BIRC6: variants seen among roughly 807,000 people sequenced by gnomAD.
BIRC6 encodes dual E2 ubiquitin-conjugating enzyme/E3 ubiquitin-protein ligase BIRC6.
In BIRC6, 98 loss-of-function variants were observed where a neutral mutation model predicts 503.3. The ratio of observed to expected loss-of-function variants is 0.19; its 90% CI spans 0.17 to 0.23. BIRC6 has a LOEUF of 0.23. BIRC6 is among the 10% of genes least tolerant of loss of function. The pLI is 1.00. For missense variants in BIRC6, 5,360 were observed against 5,806.0 expected, an observed-to-expected ratio of 0.92 and a Z score of 2.50; for synonymous variants, 2,240 against 2,078.7, an observed-to-expected ratio of 1.08 and a Z score of -2.11.
rs2040592463 is a variant in BIRC6, at chr2:32,401,521, T to C, written c.1316T>C (p.Leu439Pro). The change falls in exon 8 of 74, where the codon CTA becomes CCA. Residue 439 changes from leucine (L) to proline (P), a missense_variant. Transcript: ENST00000421745. ...YDPAIVQQLI[L>P]SGDPSSGVDS... is the part of the protein sequence containing the mutation. Reference sequence around the variant, plus strand: ...CCAGCAATTGTACAACAGCTTATTCTATCAGGAGACCCAAGCTCAGGAGTT... The same window carrying C: ...CCAGCAATTGTACAACAGCTTATTCCATCAGGAGACCCAAGCTCAGGAGTT... 1 of 1,614,040 alleles carries C rather than the reference T, an allele frequency of 6.2e-7. No homozygotes were observed. The highest frequency in any genetic ancestry group is 8.5e-7 in the Non-Finnish European group (1 of 1,179,888).
intron 25 of BIRC6, 108 bp from the exon 26 acceptor site, chr2:32,464,957 C>T: frequency 7.5e-7 from 1 of 1,332,734 alleles, no homozygotes. Context: ...TATTACAGTA[C>T]ATACATTAAG....
At chr2:32,572,597 T>A (rs2150984347) in intron 65 of BIRC6, among the ~76,000 whole-genome samples, 1 of 152,356 alleles carries the variant, frequency 6.6e-6, no homozygotes, top group South Asian at 2.1e-4. Context: ...TTTATGCCTA[T>A]CAGTTAGTAA....
At chr2:32,587,491 G>A (rs887262701) in intron 66 of BIRC6, among the ~76,000 whole-genome samples, 1 of 152,198 alleles carries the variant, frequency 6.6e-6, no homozygotes, top group Non-Finnish European at 1.5e-5. Flanking sequence ...TAATTCCAGT[G>A]CTTTGGCAGG....
chr2:32,490,353 G>T lies in BIRC6; in HGVS notation c.8206+202G>T, dbSNP rs1210865659. On this transcript the variant is annotated intron_variant, in intron 43 of 73. Coordinates refer to ENST00000421745, the MANE Select transcript of BIRC6 (RefSeq NM_016252.4). The stretch of plus-strand genomic sequence containing the variant: ...ACTTGAGGTCAGGAGCTCGAGAGCA[G>T]CCTGGCCAACATGGTGAAACCTTAT... 2.0e-5 allele frequency among the ~76,000 whole-genome samples: 3 copies of T among 152,286 alleles called. 1 individual carries two copies. The Middle Eastern group carries it at 0.01, about 518-fold the overall frequency.
chr2:32,401,433 G>C (rs771154958), intron 7 of BIRC6, 30 bp from the exon 8 acceptor site: 15 of 1,613,006 alleles, frequency 9.3e-6, no homozygotes, highest in Non-Finnish European at 1.2e-5. Context: ...AAAAAGATCA[G>C]TTGTAAACTT....
In BIRC6 at chr2:32,595,095, A is replaced by T; in HGVS notation, c.13563A>T (p.Leu4521Phe). The change falls in exon 68 of 74, where the codon TTA (leucine) becomes TTT (phenylalanine). Residue 4521 changes from leucine (L) to phenylalanine (F), a missense_variant. This residue lies in a region of BIRC6 where 477 missense variants were observed against 574.4 expected (regional missense o/e 0.83). Transcript: ENST00000421745. ...AAMKPKPLSV[L>F]KSLEEKYVAV... The stretch of plus-strand genomic sequence containing the variant: ...TGAAACCCAAACCTTTGTCAGTATT[A>T]AAGTCACTTGAAGAAAAATATGTGG... 6.2e-7 allele frequency: 1 copy of T among 1,601,498 alleles called. No individual in the cohort carries two copies. Among genetic ancestry groups the T allele is most frequent in the East Asian group, 2.3e-5 (1 of 44,354 alleles).
chr2:32,518,667 A>G, intron 56 of BIRC6, 150 bp from the exon 57 acceptor site: 1 of 1,057,430 alleles, frequency 9.5e-7, no homozygotes, highest in Non-Finnish European at 1.3e-6. Context: ...AAAGTTGACC[A>G]ACAAATCATG....
chr2:32,524,231 T>C lies in BIRC6; in HGVS notation c.11624-657T>C, dbSNP rs972791732. 2.6e-5 allele frequency among the ~76,000 whole-genome samples: 4 copies of C among 152,316 alleles called. 1 individual carries two copies. The highest frequency in any genetic ancestry group is 2.0e-4 in the Admixed American group (3 of 15,292). On this transcript the variant is annotated intron_variant, in intron 57 of 73. Transcript: ENST00000421745. ...GTAATGAAAGGAATATTCAGAGTAA[T>C]AACTATCTATGAGAGCCCTTAATAC...
In BIRC6 at chr2:32,473,211, T is replaced by C; in HGVS notation, c.6692T>C (p.Ile2231Thr). 1.9e-6 allele frequency: 3 copies of C among 1,550,330 alleles called. No individual in the cohort carries two copies. Among genetic ancestry groups the C allele is most frequent in the South Asian group, 1.2e-5 (1 of 83,172 alleles). ...CTTGATAGATTATATTCCAGAAAAA[T>C]CAGAAAGCAGCTTGTTCATCATAAA... Reference protein sequence around the residue: ...SSLDRLYSRKIRKQLVHHKQQ... With the variant: ...SSLDRLYSRKTRKQLVHHKQQ... The change falls in exon 33 of 74, where the codon ATC (isoleucine) becomes ACC (threonine). Residue 2231 changes from isoleucine to threonine, a missense_variant. By Grantham distance (89) the Ile-to-Thr change is moderately conservative. This residue lies in a region of BIRC6 where 2,299 missense variants were observed against 2,267.2 expected (regional missense o/e 1.01). Transcript: ENST00000421745.
intron 3 of BIRC6, among the ~76,000 whole-genome samples, chr2:32,381,220 T>C (rs1477243771): frequency 3.3e-5 from 5 of 152,138 alleles, no homozygotes; most frequent in Non-Finnish European, 2.9e-5. Context: ...TATTGTGTTA[T>C]GATATACCTT....
intron 59 of BIRC6, 187 bp from the exon 60 acceptor site, chr2:32,529,464 C>G: frequency 4.0e-6 from 2 of 502,224 alleles, no homozygotes; most frequent in Admixed American, 3.9e-5. Context: ...CATTATTGTT[C>G]ATTATTATAT....
rs559324514 is a variant in BIRC6, at chr2:32,412,467, C to T, written c.1478-2302C>T. Among the ~76,000 whole-genome samples the T allele has an allele frequency of 9.8e-4, 148 of 151,382 alleles. 1 individual carries two copies. Among genetic ancestry groups the T allele is most frequent in the Non-Finnish European group, 1.5e-3 (103 of 67,868 alleles). ...AGCTGAGATTATGCCATTGCACTCC[C>T]GCCTGGGTGGCAATAGTGAGACTTT... On this transcript the variant is annotated intron_variant, in intron 9 of 73. Transcript: ENST00000421745.
At chr2:32,417,961 G>A (rs2042560070) in intron 10 of BIRC6, among the ~76,000 whole-genome samples, 1 of 152,042 alleles carries the variant, frequency 6.6e-6, no homozygotes, top group Non-Finnish European at 1.5e-5. Flanking sequence ...TGTATTTTTA[G>A]TAGTGACGAG....
At chr2:32,432,556 A>G (rs984048603) in intron 12 of BIRC6, among the ~76,000 whole-genome samples, 2 of 152,084 alleles carry the variant, frequency 1.3e-5, no homozygotes, top group Non-Finnish European at 2.9e-5. Context: ...CAGGTGTTCA[A>G]GACCCACCTG....
At position 32,415,997 on chromosome 2, in the gene BIRC6, C is replaced by T. The variant is rs201122092; in HGVS notation, c.2706C>T (p.His902=). Residue 902 remains histidine (H), a synonymous_variant, in exon 10 of 74, where the codon CAC becomes CAT. Coordinates refer to ENST00000421745, the MANE Select transcript of BIRC6 (RefSeq NM_016252.4). ...CGTCTGACATTTCTACTCTTGGACA[C>T]CTGGTAATAACCACTCAGGGAGGAT... ...EKTSDISTLG[H]LVITTQGGYV... is the part of the protein sequence containing the mutation. 21 of 1,613,906 alleles carry T rather than the reference C, an allele frequency of 1.3e-5. 1 individual carries two copies. The African/African-American group carries it at 1.5e-4, about 11-fold the overall frequency.
chr2:32,536,084 T>G (rs1035765638), intron 61 of BIRC6, among the ~76,000 whole-genome samples: 1 of 152,230 alleles, frequency 6.6e-6, no homozygotes, highest in African/African-American at 2.4e-5. Flanking sequence ...TCATGTGTCT[T>G]TTGGCTGCAT....
intron 23 of BIRC6, among the ~76,000 whole-genome samples, chr2:32,458,160 A>G (rs2047447266): frequency 6.6e-6 from 1 of 152,014 alleles, no homozygotes; most frequent in Non-Finnish European, 1.5e-5. Flanking sequence ...CAGTCTTATT[A>G]TTGCTTTTTA....
intron 15 of BIRC6, 33 bp downstream of exon 15, chr2:32,436,217 A>T: frequency 7.3e-7 from 1 of 1,371,700 alleles, no homozygotes. Flanking sequence ...AGCAGAATTA[A>T]TAATACCACA....
In BIRC6 at chr2:32,395,580, A is replaced by G. The variant is rs747532417; in HGVS notation, c.1021A>G (p.Thr341Ala). 6.2e-7 allele frequency: 1 copy of G among 1,611,092 alleles called. No individual in the cohort carries two copies. Among genetic ancestry groups the G allele is most frequent in the Non-Finnish European group, 8.5e-7 (1 of 1,177,382 alleles). ...CSVCLVCWEP[T>A]DEPWSEHERH... Reference sequence around the variant, plus strand: ...TGTATGCCTCGTTTGTTGGGAACCTACTGATGAACCTTGGTGAGTCTTGAT... The same window carrying G: ...TGTATGCCTCGTTTGTTGGGAACCTGCTGATGAACCTTGGTGAGTCTTGAT... The change falls in exon 6 of 74, where the codon ACT becomes GCT. Residue 341 changes from threonine to alanine, a missense_variant. Thr to Ala is a moderately conservative substitution (Grantham distance 58, BLOSUM62 0). Around this residue, in one of 16 missense-constraint regions of BIRC6, gnomAD observed 92 missense variants for 176.7 expected, o/e 0.52. Coordinates refer to ENST00000421745, the MANE Select transcript of BIRC6 (RefSeq NM_016252.4).
Sources: gnomAD v4.1 joint callset for allele counts (sites outside exome capture counted in the v4.1 genomes callset) on GRCh38, gnomAD v4.1.1 for gene constraint, gnomAD v4.1.1 regional missense constraint, MANE v1.5 for transcripts, NCBI Gene and HGNC (gene_info 2026-07-23, HGNC 2026-07-21) for gene names.